LRBA: variants seen among roughly 807,000 people sequenced by gnomAD.
The protein encoded by LRBA is lipopolysaccharide-responsive and beige-like anchor protein.
In LRBA, 176 loss-of-function variants were observed where a neutral mutation model predicts 330.0. The observed-to-expected ratio is 0.53, with a 90% CI of 0.47 to 0.60. The LOEUF (loss-of-function observed/expected upper bound fraction) is 0.60, where lower values mean the gene tolerates loss of function less well. LRBA is among the 20% of genes least tolerant of loss of function. The pLI is 0.00. For synonymous variants in LRBA, 1,230 were observed against 1,193.0 expected, an observed-to-expected ratio of 1.03 and a Z score of -0.64; for missense variants, 3,259 against 3,444.8, an observed-to-expected ratio of 0.95 and a Z score of 1.35.
Position 150,848,854 on chromosome 4 carries a change from A to G in LRBA, c.4303T>C (p.Ser1435Pro). The change falls in exon 26 of 57, where the codon TCA becomes CCA. Residue 1435 changes from serine to proline, a missense_variant. Coordinates refer to ENST00000651943, the MANE Select transcript of LRBA (RefSeq NM_001364905.1). ...CACTGCCGCAAAATTCCTCCAGATG[A>G]CATACTTTTTTCAGCTTCAATTTCA... ...FTEIEAEKSM[S>P]SGGILRQCLR... 2 of 1,611,746 alleles carry G rather than the reference A, an allele frequency of 1.2e-6. No homozygotes were observed. Among genetic ancestry groups the G allele is most frequent in the South Asian group, 2.2e-5 (2 of 90,642 alleles).
intron 47 of LRBA, among the ~76,000 whole-genome samples, chr4:150,377,318 A>G (rs180986012): frequency 1.2e-4 from 19 of 152,318 alleles, no homozygotes; most frequent in Admixed American, 1.2e-3. Flanking sequence ...GGAAGAGGCA[A>G]AAGCAAAAAC....
intron 28 of LRBA, among the ~76,000 whole-genome samples, chr4:150,834,929 T>C (rs923669389): frequency 2.0e-5 from 3 of 152,210 alleles, no homozygotes; most frequent in Non-Finnish European, 4.4e-5. Context: ...AGGGTTTTTA[T>C]GGTTTTAGGT....
intron 37 of LRBA, among the ~76,000 whole-genome samples, chr4:150,601,096 G>A (rs902206093): frequency 5.3e-5 from 8 of 152,136 alleles, no homozygotes; most frequent in African/African-American, 1.9e-4. Context: ...ACAAACATAT[G>A]ACGATGTAAA....
intron 36 of LRBA, among the ~76,000 whole-genome samples, chr4:150,700,475 C>T (rs980137667): frequency 1.3e-5 from 2 of 152,112 alleles, no homozygotes; most frequent in African/African-American, 2.4e-5. Flanking sequence ...CTTGAAGTTG[C>T]GTTGGGTCAG....
intron 2 of LRBA, among the ~76,000 whole-genome samples, chr4:150,996,970 T>C (rs1417667223): frequency 1.3e-5 from 2 of 152,228 alleles, no homozygotes; most frequent in African/African-American, 2.4e-5. Context: ...GACTCAGATA[T>C]ACACCCTGAC....
At chr4:150,453,693 T>C (rs748073734) in intron 44 of LRBA, among the ~76,000 whole-genome samples, 4 of 152,252 alleles carry the variant, frequency 2.6e-5, no homozygotes, top group African/African-American at 7.2e-5. Context: ...TATATACACG[T>C]ACACTATCTA....
At chr4:150,812,232 A>G (rs114617132) in intron 31 of LRBA, among the ~76,000 whole-genome samples, 4,244 of 152,316 alleles carry the variant, frequency 0.028, 101 homozygotes, top group Non-Finnish European at 0.04. Context: ...AAATGATCAC[A>G]AATACATAAA....
At chr4:150,656,563 T>G (rs1422989190) in intron 37 of LRBA, among the ~76,000 whole-genome samples, 1 of 152,196 alleles carries the variant, frequency 6.6e-6, no homozygotes, top group Admixed American at 6.5e-5. Flanking sequence ...GAAACCACCT[T>G]TCATGGCTGC....
chr4:150,400,223 T>C (rs1384321498), intron 47 of LRBA, among the ~76,000 whole-genome samples: 1 of 152,224 alleles, frequency 6.6e-6, no homozygotes, highest in Admixed American at 6.5e-5. Flanking sequence ...TGAAGAATTT[T>C]AAGCAGTATT....
intron 30 of LRBA, among the ~76,000 whole-genome samples, chr4:150,824,067 G>A (rs1033972067): frequency 1.1e-4 from 16 of 152,118 alleles, no homozygotes; most frequent in African/African-American, 3.9e-4. Flanking sequence ...CCATGAATAT[G>A]AAATATCTTT....
chr4:150,905,196 GA>G (rs949529978), intron 13 of LRBA, among the ~76,000 whole-genome samples: 22 of 148,532 alleles, frequency 1.5e-4, no homozygotes, highest in East Asian at 7.8e-4. Flanking sequence ...TTACAAAACT[GA>G]AAAAAAAAAT....
intron 56 of LRBA, among the ~76,000 whole-genome samples, chr4:150,267,638 A>G (rs1221748920): frequency 1.3e-5 from 2 of 152,204 alleles, no homozygotes; most frequent in Non-Finnish European, 2.9e-5. Flanking sequence ...CAGGCTAGGC[A>G]GAAGGAAGAA....
chr4:150,928,156 C>T (rs1032113427), intron 4 of LRBA, among the ~76,000 whole-genome samples: 7 of 152,164 alleles, frequency 4.6e-5, no homozygotes, highest in Non-Finnish European at 1.0e-4. Context: ...GAGTGAGTTA[C>T]TCAAGTTTAA....
intron 36 of LRBA, among the ~76,000 whole-genome samples, chr4:150,710,835 C>T (rs530750361): frequency 1.2e-3 from 178 of 151,996 alleles, no homozygotes; most frequent in Non-Finnish European, 2.1e-3. Flanking sequence ...AAAAGAGGCC[C>T]TTGTTTATTA....
chr4:150,344,388 T>C (rs528140813), intron 48 of LRBA, among the ~76,000 whole-genome samples: 3 of 152,196 alleles, frequency 2.0e-5, no homozygotes, highest in African/African-American at 7.2e-5. Context: ...CATAACACAA[T>C]CCTCTACTTT....
At chr4:150,364,205 T>C (rs1378871903) in intron 47 of LRBA, among the ~76,000 whole-genome samples, 1 of 152,144 alleles carries the variant, frequency 6.6e-6, no homozygotes, top group East Asian at 1.9e-4. Flanking sequence ...GAGGTCAACT[T>C]GGGGGAAATG....
intron 40 of LRBA, among the ~76,000 whole-genome samples, chr4:150,543,687 C>T (rs553369009): frequency 6.6e-6 from 1 of 151,862 alleles, no homozygotes; most frequent in South Asian, 2.1e-4. Flanking sequence ...TGATTGCTTC[C>T]CGAGAAAAGG....
chr4:151,000,939 A>G (rs557805546), intron 2 of LRBA, among the ~76,000 whole-genome samples: 12 of 152,078 alleles, frequency 7.9e-5, no homozygotes, highest in Admixed American at 3.3e-4. Flanking sequence ...TAAGTGGGAG[A>G]CTCCCTGTGG....
At chr4:150,905,249 A>C (rs1731201065) in intron 13 of LRBA, among the ~76,000 whole-genome samples, 1 of 152,172 alleles carries the variant, frequency 6.6e-6, no homozygotes, top group Non-Finnish European at 1.5e-5. Flanking sequence ...GTGAAATTAA[A>C]ATGATTACGA....
Sources: gnomAD v4.1 joint callset for allele counts (sites outside exome capture counted in the v4.1 genomes callset) on GRCh38, gnomAD v4.1.1 for gene constraint, MANE v1.5 for transcripts, NCBI Gene and HGNC (gene_info 2026-07-23, HGNC 2026-07-21) for gene names.